Variants in UMAD1 observed in about 807,000 individuals in gnomAD.
UMAD1 encodes UBAP1-MVB12-associated (UMA)-domain containing protein 1.
Under a neutral mutation model 6.1 loss-of-function variants are expected in UMAD1, and 8 were observed. The ratio of observed to expected loss-of-function variants is 1.30; its 90% confidence interval spans 0.76 to 2.35. UMAD1 has a LOEUF of 2.35. UMAD1 is among the 30% of genes most tolerant of loss of function. The probability of loss-of-function intolerance (pLI) is 0.00; values close to 1 mark genes in which losing one functional copy is unlikely to be tolerated. For missense variants in UMAD1, 130 were observed against 78.4 expected, an observed-to-expected ratio of 1.66 and a Z score of -2.49; for synonymous variants, 56 against 31.4, an observed-to-expected ratio of 1.78 and a Z score of -2.61.
intron 2 of UMAD1, among the ~76,000 whole-genome samples, chr7:7,714,684 C>T (rs1271521139): frequency 6.6e-6 from 1 of 152,010 alleles, no homozygotes; most frequent in Non-Finnish European, 1.5e-5. Context: ...CTTAGAACTC[C>T]ATCAGGTGTC....
chr7:7,815,646 C>T (rs1783111352), intron 3 of UMAD1, among the ~76,000 whole-genome samples: 1 of 152,110 alleles, frequency 6.6e-6, no homozygotes, highest in Admixed American at 6.5e-5. Flanking sequence ...AGGAGGAAGA[C>T]AGCAAAGGGA....
intron 2 of UMAD1, among the ~76,000 whole-genome samples, chr7:7,726,051 G>T (rs1781132388): frequency 6.6e-6 from 1 of 152,230 alleles, no homozygotes; most frequent in African/African-American, 2.4e-5. Flanking sequence ...GTATGATTAT[G>T]TACTGATTCA....
chr7:7,808,743 G>C (rs1782968021), intron 3 of UMAD1, among the ~76,000 whole-genome samples: 2 of 151,792 alleles, frequency 1.3e-5, no homozygotes, highest in South Asian at 4.1e-4. Context: ...GTGGCTTAAA[G>C]ATAATAAAAT....
chr7:7,796,046 G>A (rs1159419428), intron 2 of UMAD1, among the ~76,000 whole-genome samples: 4 of 151,958 alleles, frequency 2.6e-5, no homozygotes, highest in African/African-American at 9.7e-5. Flanking sequence ...ACCACTTGTG[G>A]CCAAGTCCTC....
chr7:7,809,793 G>A (rs1028745370), intron 3 of UMAD1, among the ~76,000 whole-genome samples: 1 of 151,920 alleles, frequency 6.6e-6, no homozygotes, highest in African/African-American at 2.4e-5. Flanking sequence ...CTTCTGATGT[G>A]TTTTCATACA....
intron 2 of UMAD1, among the ~76,000 whole-genome samples, chr7:7,745,462 C>G (rs1297062266): frequency 6.6e-6 from 1 of 152,166 alleles, no homozygotes; most frequent in African/African-American, 2.4e-5. Flanking sequence ...TGGCCAAATC[C>G]ATTTCTTACC....
At chr7:7,836,465 C>T (rs1349241521) in intron 3 of UMAD1, among the ~76,000 whole-genome samples, 2 of 151,708 alleles carry the variant, frequency 1.3e-5, no homozygotes, top group African/African-American at 2.4e-5. Context: ...ATTTTTTATA[C>T]CTTTGAAGTT....
intron 2 of UMAD1, among the ~76,000 whole-genome samples, chr7:7,769,538 A>G (rs1333607067): frequency 6.6e-6 from 1 of 152,130 alleles, no homozygotes; most frequent in Non-Finnish European, 1.5e-5. Flanking sequence ...TTCCCCAGTG[A>G]AATGCTCGTC....
intron 2 of UMAD1, among the ~76,000 whole-genome samples, chr7:7,780,209 C>T (rs774966652): frequency 6.6e-5 from 10 of 152,168 alleles, no homozygotes; most frequent in Non-Finnish European, 1.3e-4. Flanking sequence ...CCTCTAACCA[C>T]CCCCATCTCT....
intron 1 of UMAD1, among the ~76,000 whole-genome samples, chr7:7,648,964 C>T (rs1785158992): frequency 6.6e-6 from 1 of 151,970 alleles, no homozygotes. Context: ...TTGAGACCAG[C>T]CTGGCCAACA....
chr7:7,819,271 A>T (rs900802018), intron 3 of UMAD1, among the ~76,000 whole-genome samples: 100 of 152,302 alleles, frequency 6.6e-4, no homozygotes, highest in African/African-American at 2.2e-3. Flanking sequence ...AATGACAAGC[A>T]TCTGAAGATT....
At chr7:7,744,767 T>A (rs2115210695) in intron 2 of UMAD1, among the ~76,000 whole-genome samples, 2 of 152,300 alleles carry the variant, frequency 1.3e-5, no homozygotes, top group South Asian at 4.1e-4. Context: ...AGTCATATTA[T>A]TTGTCTTTTT....
At chr7:7,726,041 G>A (rs576695645) in intron 2 of UMAD1, among the ~76,000 whole-genome samples, 51 of 152,348 alleles carry the variant, frequency 3.3e-4, no homozygotes, top group African/African-American at 1.2e-3. Flanking sequence ...ATGGCCAAAT[G>A]TATGATTATG....
intron 3 of UMAD1, among the ~76,000 whole-genome samples, chr7:7,818,238 G>A (rs555407167): frequency 6.6e-6 from 1 of 152,196 alleles, no homozygotes; most frequent in South Asian, 2.1e-4. Flanking sequence ...GCTGTACTTG[G>A]TTTTCTGTTC....
At chr7:7,827,291 A>G (rs1330255961) in intron 3 of UMAD1, among the ~76,000 whole-genome samples, 2 of 152,080 alleles carry the variant, frequency 1.3e-5, no homozygotes, top group Non-Finnish European at 2.9e-5. Context: ...AATTCCAGAT[A>G]CAAAGAGTAA....
At position 7,877,394 on chromosome 7, in the gene UMAD1, G is replaced by T. The variant is rs765992880; in HGVS notation, c.270G>T (p.Pro90=). ...SLMAELLSDV[P]FTLAPHVLAV... is the part of the protein sequence containing the mutation. ...TGGCCGAGCTCCTGAGCGATGTGCCGTTCACCCTGGCCCCGCATGTGCTGG... is the reference window on the plus strand; with the variant it reads ...TGGCCGAGCTCCTGAGCGATGTGCCTTTCACCCTGGCCCCGCATGTGCTGG... The change falls in exon 4 of 4, where the codon CCG becomes CCT. Residue 90 remains proline, a synonymous_variant. Coordinates refer to ENST00000682710, the MANE Select transcript of UMAD1 (RefSeq NM_001302348.2). 4 of 717,480 alleles carry T rather than the reference G, an allele frequency of 5.6e-6. No individual in the cohort carries two copies. Among genetic ancestry groups the T allele is most frequent in the Non-Finnish European group, 1.0e-5 (4 of 385,128 alleles). 44.4% of individuals were successfully genotyped at this position (717,480 alleles called of 1,614,324 possible).
At chr7:7,802,376 CAA>C (rs56327681) in intron 3 of UMAD1, among the ~76,000 whole-genome samples, 474 of 42,432 alleles carry the variant, frequency 0.011, 1 homozygote, top group Middle Eastern at 0.043. Flanking sequence ...GACTCCGTCT[CAA>C]AAAAAAAAAA....
At chr7:7,715,362 A>G (rs779067593) in intron 2 of UMAD1, 8 of 152,242 alleles carry the variant, frequency 5.3e-5, no homozygotes, top group East Asian at 1.9e-4. Context: ...AGCTGTTAGA[A>G]TAGCTAATTT....
intron 2 of UMAD1, among the ~76,000 whole-genome samples, chr7:7,781,859 T>C (rs16871575): frequency 0.049 from 6,218 of 127,502 alleles, 419 homozygotes; most frequent in African/African-American, 0.16. Flanking sequence ...AATAGAAAAA[T>C]GGTAACCTTG....
Sources: allele counts gnomAD v4.1 joint callset (sites outside exome capture counted in the v4.1 genomes callset), GRCh38; gene constraint gnomAD v4.1.1; transcripts MANE v1.5; gene names NCBI Gene and HGNC (gene_info 2026-07-23, HGNC 2026-07-21).